GLT1D1: variants seen among roughly 807,000 people sequenced by gnomAD.
GLT1D1 encodes glycosyltransferase 1 domain containing 1.
A neutral mutation model predicts 28.7 loss-of-function variants in GLT1D1; 21 were observed. The ratio of observed to expected loss-of-function variants is 0.73; its 90% CI spans 0.52 to 1.05. The LOEUF is 1.05. GLT1D1 is among the 50% of genes least tolerant of loss of function. The probability of loss-of-function intolerance (pLI) is 0.00; values close to 1 mark genes in which losing one functional copy is unlikely to be tolerated. For synonymous variants in GLT1D1, 147 were observed against 124.8 expected (o/e 1.18, Z -1.19); for missense variants, 343 against 330.6 (o/e 1.04, Z -0.29).
At chr12:128,940,811 A>T (rs1415230989) in intron 4 of GLT1D1, among the ~76,000 whole-genome samples, 2 of 152,210 alleles carry the variant, frequency 1.3e-5, no homozygotes, top group African/African-American at 4.8e-5. Flanking sequence ...TGGAATTCAC[A>T]TGCCACGAAA....
At chr12:128,968,777 C>T (rs745682818) in intron 7 of GLT1D1, among the ~76,000 whole-genome samples, 2 of 152,242 alleles carry the variant, frequency 1.3e-5, no homozygotes, top group Admixed American at 6.5e-5. Flanking sequence ...GACACAGATT[C>T]TCCAGTGAGC....
At position 128,947,436 on chromosome 12, in the gene GLT1D1, G is replaced by C; in HGVS notation, c.518G>C (p.Gly173Ala). ...GTGGTGAATAGCTCTGTCTCTGAAGGCATGTCAGCTGCAATTTTGGAGGTA... is the reference window on the plus strand; with the variant it reads ...GTGGTGAATAGCTCTGTCTCTGAAGCCATGTCAGCTGCAATTTTGGAGGTA... Residue 173 changes from glycine to alanine, a missense_variant, in exon 6 of 8, where the codon GGC becomes GCC. Transcript: ENST00000281703. 5 of 1,614,162 alleles carry C rather than the reference G, an allele frequency of 3.1e-6. No individual in the cohort carries two copies. The highest frequency in any genetic ancestry group is 4.2e-6 in the Non-Finnish European group (5 of 1,180,028).
chr12:128,941,981 C>T (rs1875340558), intron 4 of GLT1D1, among the ~76,000 whole-genome samples: 1 of 131,914 alleles, frequency 7.6e-6, no homozygotes, highest in Admixed American at 8.6e-5. Flanking sequence ...CCATTTCCTA[C>T]TTATTTTTTT....
intron 1 of GLT1D1, among the ~76,000 whole-genome samples, chr12:128,874,755 A>C (rs541442871): frequency 2.6e-4 from 39 of 152,338 alleles, no homozygotes; most frequent in African/African-American, 9.4e-4. Flanking sequence ...AAGTGCTGGG[A>C]TTACAGGCGT....
At chr12:128,897,950 A>G (rs1593100417) in intron 3 of GLT1D1, among the ~76,000 whole-genome samples, 1 of 152,230 alleles carries the variant, frequency 6.6e-6, no homozygotes, top group East Asian at 1.9e-4. Context: ...TACAGGTGTG[A>G]GCCACCAGGC....
At chr12:128,889,774 T>C (rs1183324323) in intron 3 of GLT1D1, among the ~76,000 whole-genome samples, 1 of 152,162 alleles carries the variant, frequency 6.6e-6, no homozygotes, top group African/African-American at 2.4e-5. Flanking sequence ...GCCTTCTTTC[T>C]CTCTTCTCTT....
At chr12:128,931,815 T>A (rs146780799) in intron 4 of GLT1D1, among the ~76,000 whole-genome samples, 2 of 152,124 alleles carry the variant, frequency 1.3e-5, no homozygotes, top group Non-Finnish European at 1.5e-5. Context: ...GGTGAATGTG[T>A]GTGGTTTTTT....
rs1453288688 is a variant in GLT1D1, at chr12:128,864,111, G to A, written c.68+10462G>A. On this transcript the variant is annotated intron_variant, in intron 1 of 7. Transcript: ENST00000281703. ...GGTCCCTGCACGTGGAATGCTGGCT[G>A]ATGCCAGCTCGGCTGGGGCAGGAGA... is the stretch of plus-strand genomic sequence containing the variant. 3.3e-5 allele frequency: 22 copies of A among 666,874 alleles called. 1 individual carries two copies. The highest frequency in any genetic ancestry group is 2.4e-4 in the Middle Eastern group (1 of 4,132). 41.3% of individuals were successfully genotyped at this position (666,874 alleles called of 1,614,324 possible).
intron 7 of GLT1D1, among the ~76,000 whole-genome samples, chr12:128,977,645 C>T (rs570203132): frequency 1.2e-4 from 19 of 152,264 alleles, no homozygotes; most frequent in African/African-American, 4.1e-4. Flanking sequence ...TTGCGTTTCC[C>T]ACCGCTGATC....
At chr12:128,933,417 G>A (rs908910022) in intron 4 of GLT1D1, among the ~76,000 whole-genome samples, 2 of 152,264 alleles carry the variant, frequency 1.3e-5, no homozygotes, top group African/African-American at 2.4e-5. Flanking sequence ...CATGCATTCT[G>A]ATTTTTTAAA....
rs151039762 is a variant in GLT1D1 at position 128,935,221 on chromosome 12, A to C, written c.376-10105A>C. ...TTGAATATCATCTCTCTGCTTTTTAATTTGCATTTTCTACTCTACCAGAGC... is the reference window on the plus strand; with the variant it reads ...TTGAATATCATCTCTCTGCTTTTTACTTTGCATTTTCTACTCTACCAGAGC... On this transcript the variant is annotated intron_variant, in intron 4 of 7. Coordinates refer to ENST00000281703, the MANE Select transcript of GLT1D1 (RefSeq NM_144669.3). Among the ~76,000 whole-genome samples the C allele has an allele frequency of 4.6e-3, 696 of 152,220 alleles. 3 individuals carry two copies. The highest frequency in any genetic ancestry group is 0.016 in the African/African-American group (656 of 41,558).
rs576120803 is a variant in GLT1D1, at chr12:128,936,397, G to A, written c.376-8929G>A. Among the ~76,000 whole-genome samples, 13 of 152,268 alleles carry A rather than the reference G, an allele frequency of 8.5e-5. No homozygotes were observed. The East Asian group carries it at 1.2e-3, about 14-fold the overall frequency. ...TCTCGATCCCCTGAACTGGTGATCC[G>A]CCTGTCTCGGCCTCCCAAAGTGCTG... is the stretch of plus-strand genomic sequence containing the variant. On this transcript the variant is annotated intron_variant, in intron 4 of 7. Transcript: ENST00000281703.
chr12:128,858,728 C>G (rs2135754592), intron 1 of GLT1D1, among the ~76,000 whole-genome samples: 1 of 152,046 alleles, frequency 6.6e-6, no homozygotes, highest in African/African-American at 2.4e-5. Flanking sequence ...CATGCCCTCC[C>G]AATCCTGAAG....
chr12:128,864,287 T>A, intron 1 of GLT1D1: 1 of 449,880 alleles, frequency 2.2e-6, no homozygotes, highest in South Asian at 4.3e-5. Flanking sequence ...AGTCCTGCAC[T>A]AGGGGTGGGG....
chr12:128,971,046 T>G lies in GLT1D1; in HGVS notation c.640-11883T>G, dbSNP rs145984086. Among the ~76,000 whole-genome samples, 201 of 152,276 alleles carry G rather than the reference T, an allele frequency of 1.3e-3. 1 individual carries two copies. Among genetic ancestry groups the G allele is most frequent in the South Asian group, 2.9e-3 (14 of 4,832 alleles). On this transcript the variant is annotated intron_variant, in intron 7 of 7. Transcript: ENST00000281703. ...GATGCAGCACGCCACACACTTGTAC[T>G]TTAACTGCTCTCATTTCTTTTTCTT...
At chr12:128,933,239 A>C (rs1874126469) in intron 4 of GLT1D1, among the ~76,000 whole-genome samples, 1 of 152,378 alleles carries the variant, frequency 6.6e-6, no homozygotes. Flanking sequence ...AGCCGACGTC[A>C]CTGAACACAG....
intron 4 of GLT1D1, among the ~76,000 whole-genome samples, 183 bp downstream of exon 4, chr12:128,899,470 A>G (rs540319711): frequency 6.6e-6 from 1 of 151,122 alleles, no homozygotes; most frequent in African/African-American, 2.4e-5. Context: ...AACGTCCCTG[A>G]TATTTTTTGA....
At position 128,945,337 on chromosome 12, in the gene GLT1D1, G is replaced by A. The variant is rs925296257; in HGVS notation, c.387G>A (p.Val129=). ...TTGTCTCTTTTCAGGTCGATCCAGT[G>A]TTTACAAGGGAAGTGAAAGCCAAAG... The change falls in exon 5 of 8, where the codon GTG becomes GTA. Residue 129 remains valine (V), a synonymous_variant. Coordinates refer to ENST00000281703, the MANE Select transcript of GLT1D1 (RefSeq NM_144669.3). 10 of 1,614,046 alleles carry A rather than the reference G, an allele frequency of 6.2e-6. No homozygotes were observed. Among genetic ancestry groups the A allele is most frequent in the African/African-American group, 2.7e-5 (2 of 74,946 alleles).
chr12:128,855,150 C>T (rs571194132), intron 1 of GLT1D1, among the ~76,000 whole-genome samples: 2 of 140,118 alleles, frequency 1.4e-5, no homozygotes, highest in Non-Finnish European at 3.0e-5. Flanking sequence ...TGGGAGGCAG[C>T]TGTTGCAGTG....
Sources: allele counts gnomAD v4.1 joint callset (sites outside exome capture counted in the v4.1 genomes callset), GRCh38; gene constraint gnomAD v4.1.1; transcripts MANE v1.5; gene names NCBI Gene and HGNC (gene_info 2026-07-23, HGNC 2026-07-21).